The following MMP24 variants were observed in gnomAD, a reference collection of about 807,000 sequenced individuals.
The protein encoded by MMP24 is matrix metallopeptidase 24, also known as matrix metalloproteinase-24.
In MMP24, 25 loss-of-function variants were observed where a neutral mutation model predicts 62.8. The ratio of observed to expected loss-of-function variants is 0.40; its 90% CI spans 0.29 to 0.56. The LOEUF is 0.56. Among genes scored for constraint, MMP24 ranks in the 20% least tolerant of loss-of-function variants. The pLI, the probability that MMP24 is intolerant of heterozygous loss-of-function variation, is 0.50. For synonymous variants in MMP24, 319 were observed against 350.5 expected (o/e 0.91, Z 1.00); for missense variants, 634 against 853.6 (o/e 0.74, Z 3.21).
At chr20:35,248,306 C>CCTTTTTTTTT (rs745624436) in intron 2 of MMP24, among the ~76,000 whole-genome samples, 1 of 136,792 alleles carries the variant, frequency 7.3e-6, no homozygotes. Context: ...TTCCCCCCCC[C>CCTTTTTTTTT]TTTTTTTTTT....
intron 3 of MMP24, among the ~76,000 whole-genome samples, chr20:35,254,219 C>T (rs1568615469): frequency 6.6e-6 from 1 of 152,174 alleles, no homozygotes; most frequent in Admixed American, 6.5e-5. Flanking sequence ...TTCGACACAG[C>T]TTTGCTGGAG....
chr20:35,276,476 C>T lies in MMP24; in HGVS notation c.*1867C>T. 2.5e-6 allele frequency: 1 copy of T among 395,524 alleles called. No individual in the cohort carries two copies. 24.5% of individuals were successfully genotyped at this position (395,524 alleles called of 1,614,324 possible). ...CAGATGAAGCACAGAGAGGTTGTTA[C>T]TTGCCCGGGCCATCCAGTGGGCTGG... is the stretch of plus-strand genomic sequence containing the variant. On this transcript the variant is annotated 3_prime_UTR_variant, in exon 9 of 9. Transcript: ENST00000246186.
At chr20:35,241,194 A>G (rs1231589411) in intron 1 of MMP24, among the ~76,000 whole-genome samples, 27 of 152,234 alleles carry the variant, frequency 1.8e-4, no homozygotes, top group Admixed American at 1.8e-3. Flanking sequence ...TTCTGCCCAG[A>G]GAAGGCAGAG....
intron 1 of MMP24, among the ~76,000 whole-genome samples, chr20:35,244,524 T>C (rs1340972874): frequency 6.6e-6 from 1 of 152,112 alleles, no homozygotes; most frequent in Non-Finnish European, 1.5e-5. Context: ...CACTGCAACC[T>C]CCGCCTCCTG....
chr20:35,265,607 G>A (rs1446053061), intron 5 of MMP24, among the ~76,000 whole-genome samples: 5 of 152,030 alleles, frequency 3.3e-5, no homozygotes, highest in East Asian at 3.9e-4. Flanking sequence ...GGCCGGGCGC[G>A]GTGGCTCAAA....
At chr20:35,265,502 A>G (rs929024341) in intron 5 of MMP24, among the ~76,000 whole-genome samples, 1 of 152,208 alleles carries the variant, frequency 6.6e-6, no homozygotes, top group African/African-American at 2.4e-5. Flanking sequence ...CAATACAGTA[A>G]CCACTAGTCA....
In MMP24 at chr20:35,269,025, TAAA is replaced by T. The variant is rs554703879; in HGVS notation, c.1195-722_1195-720del. 4.4e-5 allele frequency among the ~76,000 whole-genome samples: 6 copies of T among 136,460 alleles called. No homozygotes were observed. The highest frequency in any genetic ancestry group is 7.4e-5 in the Admixed American group (1 of 13,536). The allele number at this position is 136,460 out of a possible 152,430, so 89.5% of individuals were successfully genotyped here. Reference sequence around the variant, plus strand: ...CTGGGTGACAGAGCGAGACTCCATCTAAAAAAAAAAAAAAAGAAAGAAAACTGA... The same window carrying T: ...CTGGGTGACAGAGCGAGACTCCATCTAAAAAAAAAAAAGAAAGAAAACTGA... On this transcript the variant is annotated intron_variant, in intron 6 of 8. Transcript: ENST00000246186. This position sits in a 1 kb window ranked among gnomAD's most constrained non-coding sequence, Gnocchi z 4.6.
chr20:35,234,635 G>A (rs902998038), intron 1 of MMP24, among the ~76,000 whole-genome samples: 1 of 152,200 alleles, frequency 6.6e-6, no homozygotes, highest in African/African-American at 2.4e-5. Context: ...TGAAATAAAG[G>A]CACAGAGGCA....
intron 1 of MMP24, among the ~76,000 whole-genome samples, chr20:35,228,523 GA>G (rs2060424936): frequency 6.6e-6 from 1 of 152,182 alleles, no homozygotes; most frequent in South Asian, 2.1e-4. Flanking sequence ...TGGGATTAAG[GA>G]GGCCTGGGCT....
rs954338167 is a variant in MMP24 at position 35,269,629 on chromosome 20, A to G, written c.1195-131A>G. ...TCCTGTCTTCCTCCCAGGGCTTTAA[A>G]AGTCAGAAGCAGCTAATGGACAGTC... On this transcript the variant is annotated intron_variant, in intron 6 of 8. Coordinates refer to ENST00000246186, the MANE Select transcript of MMP24 (RefSeq NM_006690.4). The surrounding 1 kb of genome is among the most constrained non-coding windows in gnomAD (Gnocchi z 4.6). 1.7e-6 allele frequency: 2 copies of G among 1,145,590 alleles called. No individual in the cohort carries two copies. Among genetic ancestry groups the G allele is most frequent in the South Asian group, 1.6e-5 (1 of 62,584 alleles). The allele number at this position is 1,145,590 out of a possible 1,614,324, so 71.0% of individuals were successfully genotyped here.
intron 3 of MMP24, among the ~76,000 whole-genome samples, chr20:35,252,521 T>A (rs2060552670): frequency 6.6e-6 from 1 of 152,218 alleles, no homozygotes; most frequent in Admixed American, 6.5e-5. Flanking sequence ...TTCCCTCTGA[T>A]CTGGATCCTC....
In MMP24 at chr20:35,226,998, G is replaced by A; in HGVS notation, c.246+14G>A. ...TTCGCCGGGCAGGTGGGGCTGGCGC[G>A]CGGGGCCGGGGCGCGGGCTCGGGGC... is the stretch of plus-strand genomic sequence containing the variant. On this transcript the variant is annotated intron_variant, in intron 1 of 8. Coordinates refer to ENST00000246186, the MANE Select transcript of MMP24 (RefSeq NM_006690.4). 1 of 980,198 alleles carries A rather than the reference G, an allele frequency of 1.0e-6. No homozygotes were observed. The highest frequency in any genetic ancestry group is 1.2e-6 in the Non-Finnish European group (1 of 827,904). The allele number at this position is 980,198 out of a possible 1,614,324, so 60.7% of individuals were successfully genotyped here.
At chr20:35,251,205 G>A (rs761973361) in intron 2 of MMP24, among the ~76,000 whole-genome samples, 12 of 149,148 alleles carry the variant, frequency 8.0e-5, no homozygotes, top group Non-Finnish European at 1.8e-4. Context: ...TGCAACCTCC[G>A]CCTCACGGGT....
chr20:35,253,270 C>CTTTT lies in MMP24; in HGVS notation c.513-1160_513-1157dup, dbSNP rs34474017. On this transcript the variant is annotated intron_variant, in intron 3 of 8. Coordinates refer to ENST00000246186, the MANE Select transcript of MMP24 (RefSeq NM_006690.4). ...GACAAGCACTCCCTACAGAACGGGA[C>CTTTT]TTTTTTTTTTTTTTTTTTTTTTTCA... is the stretch of plus-strand genomic sequence containing the variant. 2.1e-3 allele frequency among the ~76,000 whole-genome samples: 163 copies of CTTTT among 79,028 alleles called. 16 individuals are homozygous for CTTTT. Among genetic ancestry groups the CTTTT allele is most frequent in the African/African-American group, 8.9e-3 (153 of 17,168 alleles). 51.8% of individuals were successfully genotyped at this position (79,028 alleles called of 152,430 possible).
At chr20:35,270,962 C>A (rs2060665663) in intron 7 of MMP24, among the ~76,000 whole-genome samples, 1 of 152,174 alleles carries the variant, frequency 6.6e-6, no homozygotes, top group African/African-American at 2.4e-5. Flanking sequence ...ATCGCTTGAA[C>A]CCAGGAAGTG....
intron 5 of MMP24, among the ~76,000 whole-genome samples, chr20:35,264,724 A>G (rs1213312565): frequency 6.7e-6 from 1 of 150,342 alleles, no homozygotes; most frequent in African/African-American, 2.4e-5. Context: ...AAAAAAAAAA[A>G]AAAAAAAAAA....
Position 35,251,921 on chromosome 20 carries a change from CGATGTGGTGTCCCT to C in MMP24, c.416_429del (p.Cys139SerfsTer7). On this transcript the variant is annotated frameshift_variant, in exon 3 of 9. Transcript: ENST00000246186. LOFTEE classifies it high-confidence loss of function. ...TCTGCCCAGGTGGATGAAGAAACCC[CGATGTGGTGTCCCT>C]GATCACCCCCACTTAAGCCGTAGGC... is the stretch of plus-strand genomic sequence containing the variant. 1 of 1,613,914 alleles carries C rather than the reference CGATGTGGTGTCCCT, an allele frequency of 6.2e-7. No individual in the cohort carries two copies. Among genetic ancestry groups the C allele is most frequent in the Non-Finnish European group, 8.5e-7 (1 of 1,179,840 alleles).
In MMP24 at chr20:35,271,598, A is replaced by G. The variant is rs768575482; in HGVS notation, c.1363A>G (p.Thr455Ala). Residue 455 changes from threonine to alanine, a missense_variant, in exon 8 of 9, where the codon ACG becomes GCG. Physicochemically the swap from Thr to Ala is moderately conservative, Grantham distance 58. Transcript: ENST00000246186. This position sits in a 1 kb window ranked among gnomAD's most constrained non-coding sequence, Gnocchi z 4.0. ...CAAGTATTGGGTGTTTAAGGAGGTG[A>G]CGGTGGAGCCTGGGTACCCCCACAG... is the stretch of plus-strand genomic sequence containing the variant. ...GDKYWVFKEV[T>A]VEPGYPHSLG... 11 of 1,612,832 alleles carry G rather than the reference A, an allele frequency of 6.8e-6. No individual in the cohort carries two copies. Among genetic ancestry groups the G allele is most frequent in the Admixed American group, 6.7e-5 (4 of 59,850 alleles).
intron 6 of MMP24, among the ~76,000 whole-genome samples, chr20:35,268,882 C>T (rs990478753): frequency 6.6e-6 from 1 of 152,120 alleles, no homozygotes; most frequent in Non-Finnish European, 1.5e-5. Context: ...AAAAAATTAG[C>T]CGGGTGTGGT....
Sources: allele counts gnomAD v4.1 joint callset (sites outside exome capture counted in the v4.1 genomes callset), GRCh38; gene constraint gnomAD v4.1.1; non-coding constraint Gnocchi (gnomAD v3.1); transcripts MANE v1.5; gene names NCBI Gene and HGNC (gene_info 2026-07-23, HGNC 2026-07-21).